The following SPAG9 variants were observed in gnomAD, a reference collection of about 807,000 sequenced individuals.
SPAG9 encodes sperm associated antigen 9.
Under a neutral mutation model 166.5 loss-of-function variants are expected in SPAG9, and 35 were observed. The ratio of observed to expected loss-of-function variants is 0.21; its 90% CI spans 0.16 to 0.28. The LOEUF is 0.28. Ranked by LOEUF, SPAG9 falls within the 10% of genes least tolerant of loss-of-function variation. The pLI, the probability that SPAG9 is intolerant of heterozygous loss-of-function variation, is 1.00. For missense variants in SPAG9, 1,235 were observed against 1,603.3 expected, an observed-to-expected ratio of 0.77 and a Z score of 3.92; for synonymous variants, 534 against 565.5, an observed-to-expected ratio of 0.94 and a Z score of 0.79.
At chr17:51,082,239 G>A (rs2048184214) in intron 1 of SPAG9, among the ~76,000 whole-genome samples, 1 of 151,958 alleles carries the variant, frequency 6.6e-6, no homozygotes, top group Admixed American at 6.6e-5. Flanking sequence ...GCCAGGCATG[G>A]TGGTGCACGC....
chr17:51,041,224 A>G (rs894964880), intron 5 of SPAG9, among the ~76,000 whole-genome samples: 2 of 152,076 alleles, frequency 1.3e-5, no homozygotes, highest in African/African-American at 2.4e-5. Context: ...CCTACTCTAA[A>G]CTCATATAGC....
At chr17:51,042,620 G>C (rs1215789363) in intron 4 of SPAG9, 2 of 152,170 alleles carry the variant, frequency 1.3e-5, no homozygotes, top group Non-Finnish European at 2.9e-5. Flanking sequence ...TTTCAGTTTT[G>C]CTAAGTAAGT....
chr17:51,066,586 A>G (rs1200911108), intron 2 of SPAG9, among the ~76,000 whole-genome samples: 1 of 150,854 alleles, frequency 6.6e-6, no homozygotes, highest in Non-Finnish European at 1.5e-5. Flanking sequence ...AAAAAAGACC[A>G]TGGCTCACGC....
chr17:51,088,779 C>T (rs1277471679), intron 1 of SPAG9, among the ~76,000 whole-genome samples: 2 of 150,768 alleles, frequency 1.3e-5, no homozygotes, highest in African/African-American at 4.9e-5. Context: ...GCCTGGGCAA[C>T]ACAGTGAGAC....
intron 12 of SPAG9, 108 bp downstream of exon 12, chr17:51,005,104 A>T: frequency 1.1e-6 from 1 of 919,336 alleles, no homozygotes; most frequent in Non-Finnish European, 1.7e-6. Context: ...ATGTCTCCTG[A>T]CTTTTAAAAA....
intron 28 of SPAG9, among the ~76,000 whole-genome samples, chr17:50,974,337 C>G (rs1471707545): frequency 6.6e-6 from 1 of 152,184 alleles, no homozygotes; most frequent in Non-Finnish European, 1.5e-5. Flanking sequence ...GGCAGAGACA[C>G]AGGGGCCAGA....
intron 26 of SPAG9, 30 bp downstream of exon 26, chr17:50,979,716 T>C (rs1261594542): frequency 6.3e-7 from 1 of 1,591,622 alleles, no homozygotes; most frequent in South Asian, 1.1e-5. Context: ...CCTCTTTGAC[T>C]GGTAAAGATA....
At chr17:51,033,934 C>T (rs1277203499) in intron 5 of SPAG9, among the ~76,000 whole-genome samples, 3 of 152,220 alleles carry the variant, frequency 2.0e-5, no homozygotes, top group Non-Finnish European at 4.4e-5. Flanking sequence ...GCTTTAAACA[C>T]CGCCATTTTG....
chr17:50,975,992 C>G (rs1299853963), intron 27 of SPAG9: 2 of 925,294 alleles, frequency 2.2e-6, no homozygotes, highest in South Asian at 1.4e-5. Context: ...CGTCTTCTAT[C>G]TGGTAAACCT....
At chr17:51,034,939 G>A (rs1005346008) in intron 5 of SPAG9, among the ~76,000 whole-genome samples, 3 of 152,158 alleles carry the variant, frequency 2.0e-5, no homozygotes, top group African/African-American at 7.2e-5. Flanking sequence ...CTCTTCAAAA[G>A]TCTCAAGGTC....
intron 1 of SPAG9, among the ~76,000 whole-genome samples, chr17:51,118,255 A>C (rs565257272): frequency 5.3e-5 from 8 of 152,338 alleles, no homozygotes; most frequent in African/African-American, 1.7e-4. Flanking sequence ...CCCTTTGCCC[A>C]ATGGTTTCAC....
intron 2 of SPAG9, among the ~76,000 whole-genome samples, chr17:51,077,226 C>T (rs918476108): frequency 1.1e-4 from 16 of 151,308 alleles, no homozygotes; most frequent in Admixed American, 1.3e-4. Context: ...CGGGGTCAAG[C>T]GATTCTCCTG....
At chr17:51,054,429 T>G (rs1313295456) in intron 3 of SPAG9, among the ~76,000 whole-genome samples, 1 of 146,840 alleles carries the variant, frequency 6.8e-6, no homozygotes, top group African/African-American at 2.6e-5. Context: ...AGCCAAAATG[T>G]GGGTTTTTTT....
intron 9 of SPAG9, among the ~76,000 whole-genome samples, chr17:51,010,399 G>C (rs2045418235): frequency 1.3e-5 from 2 of 152,090 alleles, no homozygotes; most frequent in South Asian, 4.1e-4. Flanking sequence ...GCCACATTGA[G>C]CTTATAGTCT....
intron 1 of SPAG9, among the ~76,000 whole-genome samples, chr17:51,118,172 G>T (rs996371438): frequency 2.6e-5 from 4 of 151,816 alleles, no homozygotes; most frequent in Non-Finnish European, 5.9e-5. Flanking sequence ...TGATAACAAG[G>T]TGTGTTTATG....
At chr17:51,042,605 G>A (rs1234502635) in intron 4 of SPAG9, 2 of 152,270 alleles carry the variant, frequency 1.3e-5, no homozygotes, top group Middle Eastern at 3.4e-3. Context: ...ATTAAAGTGG[G>A]AAAATTTCAG....
At chr17:51,030,357 C>G (rs1047980121) in intron 6 of SPAG9, among the ~76,000 whole-genome samples, 2 of 152,148 alleles carry the variant, frequency 1.3e-5, no homozygotes, top group African/African-American at 4.8e-5. Context: ...ACTCTGCTAC[C>G]TAAGTTTGTC....
chr17:51,104,001 T>C (rs1182879515), intron 1 of SPAG9, among the ~76,000 whole-genome samples: 1 of 152,098 alleles, frequency 6.6e-6, no homozygotes, highest in African/African-American at 2.4e-5. Context: ...ATTTAGAAAG[T>C]AATGAGATTC....
At chr17:51,082,599 C>T (rs948508312) in intron 1 of SPAG9, among the ~76,000 whole-genome samples, 10 of 151,964 alleles carry the variant, frequency 6.6e-5, no homozygotes, top group Non-Finnish European at 1.5e-4. Context: ...GATAGCAGCA[C>T]ATAGCAGGTT....
Sources: gnomAD v4.1 joint callset for allele counts (sites outside exome capture counted in the v4.1 genomes callset) on GRCh38, gnomAD v4.1.1 for gene constraint, MANE v1.5 for transcripts, NCBI Gene and HGNC (gene_info 2026-07-23, HGNC 2026-07-21) for gene names.